RASSF3: variants seen among roughly 807,000 people sequenced by gnomAD.
The protein encoded by RASSF3 is ras association domain-containing protein 3.
RASSF3 carries 19 observed loss-of-function variants against 19.9 expected under a neutral mutation model. That is an observed-to-expected ratio of 0.96 (90% CI 0.67 to 1.40). The LOEUF (loss-of-function observed/expected upper bound fraction) is 1.40. Ranked by LOEUF, RASSF3 falls within the 40% of genes most tolerant of loss-of-function variation. The pLI, the probability that RASSF3 is intolerant of heterozygous loss-of-function variation, is 0.00. For synonymous variants in RASSF3, 110 were observed against 104.2 expected (o/e 1.06, Z -0.34); for missense variants, 306 against 289.8 (o/e 1.06, Z -0.41).
intron 1 of RASSF3, among the ~76,000 whole-genome samples, chr12:64,670,120 A>G (rs1184701101): frequency 6.6e-6 from 1 of 151,848 alleles, no homozygotes; most frequent in South Asian, 2.1e-4. Flanking sequence ...CGCTCTATCT[A>G]GCAGCTTCCA....
At chr12:64,620,804 C>T (rs914667550) in intron 1 of RASSF3, among the ~76,000 whole-genome samples, 2 of 151,924 alleles carry the variant, frequency 1.3e-5, no homozygotes, top group African/African-American at 4.8e-5. Flanking sequence ...TTATATATTG[C>T]CAATTTATGT....
Position 64,695,710 on chromosome 12 carries a change from CCAAT to C in RASSF3, c.*801_*804del, listed in dbSNP as rs1179124131. ...AGGGACCCATGAACTCTGCAGCTGA[CCAAT>C]CAGAGAATCAGGCAGGTGTAGCCTA... On this transcript the variant is annotated 3_prime_UTR_variant, in exon 5 of 5. Transcript: ENST00000542104. 3 of 152,222 alleles carry C rather than the reference CCAAT, an allele frequency of 2.0e-5. No homozygotes were observed. The highest frequency in any genetic ancestry group is 2.9e-5 in the Non-Finnish European group (2 of 68,096). 9.4% of individuals were successfully genotyped at this position (152,222 alleles called of 1,614,324 possible).
At chr12:64,577,421 G>T (rs1869613565) in intron 2 of RASSF3, among the ~76,000 whole-genome samples, 1 of 152,224 alleles carries the variant, frequency 6.6e-6, no homozygotes, top group Non-Finnish European at 1.5e-5. Flanking sequence ...AATCGGTGTT[G>T]TCTGTGAAGA....
At chr12:64,557,354 A>T (rs964916862) in intron 2 of RASSF3, among the ~76,000 whole-genome samples, 1 of 152,124 alleles carries the variant, frequency 6.6e-6, no homozygotes, top group Non-Finnish European at 1.5e-5. Context: ...GGTTCCACAT[A>T]AATTCTTCCC....
intron 2 of RASSF3, among the ~76,000 whole-genome samples, chr12:64,589,053 A>C (rs1869867813): frequency 6.6e-6 from 1 of 152,242 alleles, no homozygotes; most frequent in African/African-American, 2.4e-5. Context: ...CTTTTGAAAA[A>C]TAAAACAAAG....
chr12:64,629,570 A>T (rs1386344449), intron 1 of RASSF3, among the ~76,000 whole-genome samples: 1 of 152,182 alleles, frequency 6.6e-6, no homozygotes, highest in African/African-American at 2.4e-5. Context: ...TTTTATATGT[A>T]ATGTGATAAT....
intron 2 of RASSF3, among the ~76,000 whole-genome samples, chr12:64,550,206 A>T (rs1869134302): frequency 6.6e-6 from 1 of 152,126 alleles, no homozygotes; most frequent in Non-Finnish European, 1.5e-5. Context: ...GGAAACAAAG[A>T]AGAATGCGTT....
At chr12:64,694,621 C>T in intron 4 of RASSF3, 142 bp from the exon 5 acceptor site, 1 of 855,868 alleles carries the variant, frequency 1.2e-6, no homozygotes, top group Non-Finnish European at 1.8e-6. Context: ...GCTGGCAACA[C>T]CCCAGCTCTT....
rs770150713 is a variant in RASSF3, at chr12:64,695,121, C to G, written c.*209C>G. 1.4e-5 allele frequency: 7 copies of G among 512,698 alleles called. No homozygotes were observed. The highest frequency in any genetic ancestry group is 1.1e-4 in the African/African-American group (6 of 52,996). The allele number at this position is 512,698 out of a possible 1,614,324, so 31.8% of individuals were successfully genotyped here. On this transcript the variant is annotated 3_prime_UTR_variant, in exon 5 of 5. Coordinates refer to ENST00000542104, the MANE Select transcript of RASSF3 (RefSeq NM_178169.4). Reference sequence around the variant, plus strand: ...ACTCTGCAAGCTTGTTGTTCAGCACCGCAGTGTTACCTCTTGGCAAGCTGT... The same window carrying G: ...ACTCTGCAAGCTTGTTGTTCAGCACGGCAGTGTTACCTCTTGGCAAGCTGT...
intron 1 of RASSF3, among the ~76,000 whole-genome samples, chr12:64,621,487 A>AT (rs1870761372): frequency 6.6e-6 from 1 of 151,856 alleles, no homozygotes; most frequent in African/African-American, 2.4e-5. Context: ...TCAGGCTTTC[A>AT]TTTTTTTAAG....
intron 1 of RASSF3, among the ~76,000 whole-genome samples, chr12:64,537,787 C>T (rs1019375457): frequency 4.6e-5 from 7 of 152,312 alleles, no homozygotes; most frequent in African/African-American, 1.7e-4. Context: ...GCTGCCATAA[C>T]AAAATACCAC....
At chr12:64,573,520 A>G (rs971133733) in intron 2 of RASSF3, among the ~76,000 whole-genome samples, 4 of 152,228 alleles carry the variant, frequency 2.6e-5, no homozygotes, top group African/African-American at 7.2e-5. Context: ...AGCTTTTACT[A>G]GGTGCCACAA....
chr12:64,546,437 G>GT (rs1448902850), downstream of RASSF3, among the ~76,000 whole-genome samples: 1 of 151,846 alleles, frequency 6.6e-6, no homozygotes, highest in East Asian at 2.0e-4. Flanking sequence ...CGCCCAGCTA[G>GT]TTTTTTGTAT....
intron 2 of RASSF3, among the ~76,000 whole-genome samples, chr12:64,552,393 G>T (rs1476999990): frequency 6.6e-6 from 1 of 152,042 alleles, no homozygotes; most frequent in African/African-American, 2.4e-5. Flanking sequence ...TTAGTTCTGG[G>T]GTACATGTGC....
rs150167823 is a variant in RASSF3 at position 64,588,083 on chromosome 12, C to G, written c.294+46378C>G. On this transcript the variant is annotated intron_variant, in intron 2 of 5. Transcript: ENST00000637125. Reference sequence around the variant, plus strand: ...TAGGGAATCATTCTTTACATCCCCCCACAACCTTTTTTTTTGAGACATGGT... The same window carrying G: ...TAGGGAATCATTCTTTACATCCCCCGACAACCTTTTTTTTTGAGACATGGT... 1.5e-3 allele frequency among the ~76,000 whole-genome samples: 221 copies of G among 152,210 alleles called. 1 individual carries two copies. The highest frequency in any genetic ancestry group is 4.8e-3 in the African/African-American group (199 of 41,550).
chr12:64,555,168 C>T (rs1028647552), intron 2 of RASSF3, among the ~76,000 whole-genome samples: 3 of 151,610 alleles, frequency 2.0e-5, no homozygotes, highest in Non-Finnish European at 2.9e-5. Flanking sequence ...CGCTTGAACC[C>T]GGGAGATGGA....
At chr12:64,545,276 A>G (rs973119981), downstream of RASSF3, among the ~76,000 whole-genome samples, 6 of 152,228 alleles carry the variant, frequency 3.9e-5, no homozygotes, top group Non-Finnish European at 8.8e-5. Flanking sequence ...GGCTTGGAAA[A>G]AAATGTGGAG....
In RASSF3 at chr12:64,688,416, G is replaced by A. The variant is rs1246099228; in HGVS notation, c.420G>A (p.Lys140=). 36 of 1,614,062 alleles carry A rather than the reference G, an allele frequency of 2.2e-5. No individual in the cohort carries two copies. The highest frequency in any genetic ancestry group is 2.9e-5 in the Non-Finnish European group (34 of 1,180,024). Residue 140 remains lysine, a synonymous_variant, in exon 3 of 5, where the codon AAG becomes AAA. Transcript: ENST00000542104. ...KKFLVTESPA[K]FALYKRCHRE... is the part of the protein sequence containing the mutation. ...TTCTCGTGACTGAGAGCCCTGCCAA[G>A]TTTGCACTTTATAAGCGTTGTCACA...
At chr12:64,638,845 CCTT>C (rs1213625306) in intron 1 of RASSF3, among the ~76,000 whole-genome samples, 4 of 149,994 alleles carry the variant, frequency 2.7e-5, no homozygotes, top group South Asian at 4.1e-4. Context: ...TGTTCTAGTT[CCTT>C]CTTCTGAGCT....
Sources: gnomAD v4.1 joint callset for allele counts (sites outside exome capture counted in the v4.1 genomes callset) on GRCh38, gnomAD v4.1.1 for gene constraint, MANE v1.5 for transcripts, NCBI Gene and HGNC (gene_info 2026-07-23, HGNC 2026-07-21) for gene names.